Variants in PTPRT observed in about 807,000 individuals in gnomAD.
PTPRT encodes the protein protein tyrosine phosphatase receptor type T.
PTPRT carries 56 observed loss-of-function variants against 176.8 expected under a neutral mutation model. The observed-to-expected ratio is 0.32, with a 90% CI of 0.26 to 0.40. The LOEUF (loss-of-function observed/expected upper bound fraction) is 0.40, where lower values mean the gene tolerates loss of function less well. Ranked by LOEUF, PTPRT falls within the 10% of genes least tolerant of loss-of-function variation. The pLI is 1.00. For missense variants in PTPRT, 1,540 were observed against 1,908.2 expected, an observed-to-expected ratio of 0.81 and a Z score of 3.60; for synonymous variants, 783 against 739.0, an observed-to-expected ratio of 1.06 and a Z score of -0.96.
intron 15 of PTPRT, among the ~76,000 whole-genome samples, chr20:42,212,651 A>G (rs2055672084): frequency 6.6e-6 from 1 of 152,164 alleles, no homozygotes; most frequent in African/African-American, 2.4e-5. Context: ...TCCTGCCTGT[A>G]AAACACGGAT....
At chr20:43,055,041 T>C (rs1269362868) in intron 1 of PTPRT, among the ~76,000 whole-genome samples, 1 of 152,136 alleles carries the variant, frequency 6.6e-6, no homozygotes, top group African/African-American at 2.4e-5. Flanking sequence ...ATTTCTAAAA[T>C]CTCCCCATCA....
rs546687925 is a variant in PTPRT, at chr20:42,531,073, G to A, written c.1154-58511C>T. ...GGTATGGAGATGTGACCCACCTGCGGTTTGGAAGCTATCTTTCTTTGTAAT... is the reference window on the plus strand; with the variant it reads ...GGTATGGAGATGTGACCCACCTGCGATTTGGAAGCTATCTTTCTTTGTAAT... On this transcript the variant is annotated intron_variant, in intron 7 of 30. Transcript: ENST00000373187. 2.1e-4 allele frequency among the ~76,000 whole-genome samples: 32 copies of A among 152,350 alleles called. No individual in the cohort carries two copies. The South Asian group carries it at 6.6e-3, about 32-fold the overall frequency.
At chr20:42,601,441 C>T (rs534160791) in intron 7 of PTPRT, among the ~76,000 whole-genome samples, 6 of 152,270 alleles carry the variant, frequency 3.9e-5, no homozygotes, top group African/African-American at 1.2e-4. Flanking sequence ...TCATAAAATC[C>T]TTGTGAGATT....
chr20:43,031,897 G>A (rs115521050), intron 1 of PTPRT, among the ~76,000 whole-genome samples: 3,821 of 152,154 alleles, frequency 0.025, 171 homozygotes, highest in African/African-American at 0.087. Context: ...TCTGCATTAG[G>A]TAACTGTACT....
At chr20:42,426,014 C>G (rs986433837) in intron 9 of PTPRT, among the ~76,000 whole-genome samples, 1 of 151,964 alleles carries the variant, frequency 6.6e-6, no homozygotes, top group African/African-American at 2.4e-5. Context: ...CCAGGGGTAC[C>G]CAAATGCTGG....
intron 1 of PTPRT, among the ~76,000 whole-genome samples, chr20:42,967,768 C>A (rs1393871943): frequency 2.0e-5 from 3 of 151,286 alleles, no homozygotes; most frequent in African/African-American, 7.3e-5. Flanking sequence ...ACCATCGCAG[C>A]AGCCTCCTCA....
In PTPRT at chr20:42,904,169, C is replaced by T. The variant is rs117178305; in HGVS notation, c.89-18237G>A. 3.0e-4 allele frequency among the ~76,000 whole-genome samples: 45 copies of T among 152,344 alleles called. No homozygotes were observed. In the East Asian group the frequency reaches 7.9e-3, roughly 27 times the overall value. On this transcript the variant is annotated intron_variant, in intron 1 of 30. Coordinates refer to ENST00000373187, the MANE Select transcript of PTPRT (RefSeq NM_007050.6). ...CCTCTTTGGAACAAGCACTCAGCAA[C>T]TTCCAGCTCTACGCACATTTTTTTT...
chr20:43,175,044 C>A lies in PTPRT; in HGVS notation c.88+14602G>T, dbSNP rs576777587. Among the ~76,000 whole-genome samples the A allele has an allele frequency of 5.3e-5, 8 of 152,328 alleles. No homozygotes were observed. In the East Asian group the frequency reaches 9.6e-4, roughly 18 times the overall value. On this transcript the variant is annotated intron_variant, in intron 1 of 30. Transcript: ENST00000373187. ...GCATCTCTAAACATTGAAAAGACTG[C>A]GCAACATTATTCTTTGAGTCAAATG... is the stretch of plus-strand genomic sequence containing the variant.
At chr20:42,067,813 A>G (rs1035574002), downstream of PTPRT, among the ~76,000 whole-genome samples, 3 of 152,170 alleles carry the variant, frequency 2.0e-5, no homozygotes, top group African/African-American at 7.2e-5. Flanking sequence ...TCAGATTAAC[A>G]GCTGGATGAT....
chr20:42,675,215 C>G (rs969984393), intron 7 of PTPRT, among the ~76,000 whole-genome samples: 1 of 152,222 alleles, frequency 6.6e-6, no homozygotes. Flanking sequence ...CCACAGCAAA[C>G]TTCAGGTCTT....
chr20:42,097,192 C>T (rs189274639), intron 27 of PTPRT, among the ~76,000 whole-genome samples: 2 of 152,332 alleles, frequency 1.3e-5, no homozygotes, highest in Non-Finnish European at 2.9e-5. Context: ...TGCTATGCTG[C>T]CAACCAAGAC....
At chr20:42,333,400 C>T (rs1023596364) in intron 11 of PTPRT, among the ~76,000 whole-genome samples, 12 of 150,824 alleles carry the variant, frequency 8.0e-5, no homozygotes, top group Non-Finnish European at 1.3e-4. Flanking sequence ...GGTGTGATCT[C>T]GGCTCACTGT....
chr20:42,513,201 G>GGTGTGTGTGTGT (rs58268839), intron 7 of PTPRT, among the ~76,000 whole-genome samples: 4 of 144,664 alleles, frequency 2.8e-5, no homozygotes, highest in South Asian at 2.2e-4. Context: ...CTATTGATGG[G>GGTGTGTGTGTGT]GTGTGTGTGT....
chr20:42,658,665 T>C (rs1161798475), intron 7 of PTPRT, among the ~76,000 whole-genome samples: 1 of 152,172 alleles, frequency 6.6e-6, no homozygotes, highest in African/African-American at 2.4e-5. Context: ...AAATAAATTT[T>C]AGTGAGTAGA....
intron 1 of PTPRT, among the ~76,000 whole-genome samples, chr20:42,952,315 A>G (rs1489273285): frequency 1.3e-5 from 2 of 152,256 alleles, no homozygotes; most frequent in Admixed American, 1.3e-4. Context: ...AAAGGGCTGC[A>G]TAAACTAGGA....
intron 3 of PTPRT, among the ~76,000 whole-genome samples, chr20:42,789,038 A>G (rs2145535682): frequency 6.6e-6 from 1 of 152,356 alleles, no homozygotes; most frequent in South Asian, 2.1e-4. Flanking sequence ...CAATTCACTT[A>G]AGAATGTTTG....
At chr20:42,963,483 A>T (rs1027945722) in intron 1 of PTPRT, among the ~76,000 whole-genome samples, 1 of 151,842 alleles carries the variant, frequency 6.6e-6, no homozygotes, top group African/African-American at 2.4e-5. Flanking sequence ...AAAAATGAGT[A>T]GTTACATTTT....
At chr20:42,709,852 C>T (rs1186313827) in intron 6 of PTPRT, among the ~76,000 whole-genome samples, 3 of 152,080 alleles carry the variant, frequency 2.0e-5, no homozygotes, top group African/African-American at 7.2e-5. Context: ...CTGATGAGGT[C>T]TTAGATGGAA....
At chr20:42,482,420 T>A (rs185654668) in intron 7 of PTPRT, among the ~76,000 whole-genome samples, 1 of 152,162 alleles carries the variant, frequency 6.6e-6, no homozygotes, top group Non-Finnish European at 1.5e-5. Flanking sequence ...TGTAACAGTA[T>A]GGTAAGAGTA....
Sources: gnomAD v4.1 joint callset for allele counts (sites outside exome capture counted in the v4.1 genomes callset) on GRCh38, gnomAD v4.1.1 for gene constraint, MANE v1.5 for transcripts, NCBI Gene and HGNC (gene_info 2026-07-23, HGNC 2026-07-21) for gene names.